The following ZNF670 variants were observed in gnomAD, a reference collection of about 807,000 sequenced individuals.
ZNF670 encodes zinc finger protein 670.
A neutral mutation model predicts 10.9 loss-of-function variants in ZNF670; 7 were observed. That is an observed-to-expected ratio of 0.64 (90% CI 0.36 to 1.20). ZNF670 has a LOEUF of 1.20. ZNF670 is among the 50% of genes most tolerant of loss of function. The probability of loss-of-function intolerance (pLI) is 0.02; values close to 1 mark genes in which losing one functional copy is unlikely to be tolerated. For missense variants in ZNF670, 446 were observed against 458.6 expected (o/e 0.97, Z 0.25); for synonymous variants, 136 against 152.7 (o/e 0.89, Z 0.81).
intron 1 of ZNF670, among the ~76,000 whole-genome samples, chr1:247,055,609 G>C (rs954585792): frequency 5.9e-5 from 9 of 152,136 alleles, no homozygotes; most frequent in South Asian, 4.1e-4. Flanking sequence ...CACAACTAGA[G>C]ACTGCTACAT....
intron 1 of ZNF670, among the ~76,000 whole-genome samples, chr1:247,068,319 CAAAA>C (rs74163724): frequency 3.6e-5 from 2 of 55,278 alleles, no homozygotes; most frequent in South Asian, 6.1e-4. Context: ...ATTCTGTCTC[CAAAA>C]AAAAAAAAAA....
intron 1 of ZNF670, among the ~76,000 whole-genome samples, chr1:247,061,419 C>T (rs1236517733): frequency 2.0e-5 from 3 of 151,442 alleles, no homozygotes; most frequent in African/African-American, 7.3e-5. Flanking sequence ...CTGACCTCCT[C>T]GGCCTCCCAA....
rs2103049242 is a variant in ZNF670 at position 247,036,260 on chromosome 1, T to C, written c.*1189A>G. 6.6e-6 allele frequency among the ~76,000 whole-genome samples: 1 copy of C among 152,300 alleles called. No individual in the cohort carries two copies. Among genetic ancestry groups the C allele is most frequent in the East Asian group, 1.9e-4 (1 of 5,194 alleles). On this transcript the variant is annotated 3_prime_UTR_variant, in exon 4 of 4. Coordinates refer to ENST00000366503, the MANE Select transcript of ZNF670 (RefSeq NM_033213.5). ...CTTCCTGAGCCTGTTTGAGAATATTTATGAAAAATCCACAATATACTTGAT... is the reference window on the plus strand; with the variant it reads ...CTTCCTGAGCCTGTTTGAGAATATTCATGAAAAATCCACAATATACTTGAT...
chr1:247,074,326 C>T (rs1312915037), intron 1 of ZNF670, among the ~76,000 whole-genome samples: 2 of 151,978 alleles, frequency 1.3e-5, no homozygotes, highest in Non-Finnish European at 1.5e-5. Flanking sequence ...CCTCTTTATG[C>T]CTCTCCTGTG....
intron 1 of ZNF670, among the ~76,000 whole-genome samples, chr1:247,046,310 CT>C (rs1670447153): frequency 6.6e-6 from 1 of 152,208 alleles, no homozygotes; most frequent in African/African-American, 2.4e-5. Flanking sequence ...GTGGCAGCCC[CT>C]CTCACCACAG....
intron 1 of ZNF670, among the ~76,000 whole-genome samples, chr1:247,053,555 G>A (rs1199790048): frequency 6.6e-6 from 1 of 152,170 alleles, no homozygotes; most frequent in Non-Finnish European, 1.5e-5. Context: ...AGAATGGCGT[G>A]AACCCGTGAG....
intron 1 of ZNF670, among the ~76,000 whole-genome samples, chr1:247,055,107 T>C (rs1402019110): frequency 1.3e-5 from 2 of 152,166 alleles, no homozygotes; most frequent in East Asian, 1.9e-4. Context: ...CCTTTGTCCT[T>C]TGTGCCTAAG....
chr1:247,062,854 A>C (rs1458640155), intron 1 of ZNF670, among the ~76,000 whole-genome samples: 1 of 148,556 alleles, frequency 6.7e-6, no homozygotes, highest in Non-Finnish European at 1.5e-5. Flanking sequence ...TGTCCTCCGG[A>C]AGAAGATGAC....
chr1:247,043,308 G>A, intron 1 of ZNF670: 1 of 612,014 alleles, frequency 1.6e-6, no homozygotes, highest in Non-Finnish European at 3.1e-6. Flanking sequence ...TGATAAATCA[G>A]TTAGAAAACT....
chr1:247,038,756 T>C (rs1445825042), intron 3 of ZNF670, 54 bp downstream of exon 3: 1 of 1,471,626 alleles, frequency 6.8e-7, no homozygotes, highest in Non-Finnish European at 9.4e-7. Context: ...TAAAAACTTA[T>C]GACATGCTAA....
In ZNF670 at chr1:247,035,122, G is replaced by C. The variant is rs1213719621; in HGVS notation, c.*2327C>G. 2.0e-5 allele frequency among the ~76,000 whole-genome samples: 3 copies of C among 152,082 alleles called. No homozygotes were observed. Among genetic ancestry groups the C allele is most frequent in the African/African-American group, 4.8e-5 (2 of 41,458 alleles). On this transcript the variant is annotated 3_prime_UTR_variant, in exon 4 of 4. Transcript: ENST00000366503. ...TTCTGTTATATTATGGAACCAGTTA[G>C]ACAAAAGCAGGTAGTTAAAGCTGAA...
chr1:247,043,418 T>C (rs1670365802), intron 1 of ZNF670: 5 of 575,170 alleles, frequency 8.7e-6, no homozygotes, highest in South Asian at 6.5e-5. Flanking sequence ...AAATTCACCC[T>C]TTTGTCAGAA....
intron 1 of ZNF670, among the ~76,000 whole-genome samples, chr1:247,044,909 A>G (rs1224815473): frequency 6.6e-6 from 1 of 152,192 alleles, no homozygotes; most frequent in Non-Finnish European, 1.5e-5. Context: ...AGAAACATGA[A>G]ATTTACTCAT....
chr1:247,035,606 G>C lies in ZNF670; in HGVS notation c.*1843C>G, dbSNP rs1345077071. 2.0e-5 allele frequency among the ~76,000 whole-genome samples: 3 copies of C among 152,106 alleles called. No homozygotes were observed. Among genetic ancestry groups the C allele is most frequent in the African/African-American group, 7.2e-5 (3 of 41,402 alleles). On this transcript the variant is annotated 3_prime_UTR_variant, in exon 4 of 4. Transcript: ENST00000366503. ...ATTACACATAATATAAACTAGTTAT[G>C]CATAATTCATAGTAACTTACAAAAC...
intron 1 of ZNF670, among the ~76,000 whole-genome samples, chr1:247,072,798 GTGTGTGTATATATATATATATATATA>G (rs1173821733): frequency 2.6e-4 from 5 of 19,056 alleles, no homozygotes; most frequent in South Asian, 2.0e-3. Flanking sequence ...AAAAAAAAAA[GTGTGTGTATATATATATATATATATA>G]TATATATATA....
rs546678524 is a variant in ZNF670 at position 247,035,730 on chromosome 1, G to A, written c.*1719C>T. Among the ~76,000 whole-genome samples, 6 of 152,124 alleles carry A rather than the reference G, an allele frequency of 3.9e-5. No individual in the cohort carries two copies. The East Asian group carries it at 9.6e-4, about 24-fold the overall frequency. On this transcript the variant is annotated 3_prime_UTR_variant, in exon 4 of 4. Coordinates refer to ENST00000366503, the MANE Select transcript of ZNF670 (RefSeq NM_033213.5). Reference sequence around the variant, plus strand: ...GATGCTATACTATATGGTATACTAGGGCACACCAATTTGACTATAAATGCA... The same window carrying A: ...GATGCTATACTATATGGTATACTAGAGCACACCAATTTGACTATAAATGCA...
chr1:247,069,588 A>G (rs1671069800), intron 1 of ZNF670, among the ~76,000 whole-genome samples: 1 of 151,198 alleles, frequency 6.6e-6, no homozygotes, highest in Non-Finnish European at 1.5e-5. Flanking sequence ...AAATTTGGAA[A>G]CAACCTAAGT....
intron 1 of ZNF670, among the ~76,000 whole-genome samples, chr1:247,067,176 C>T (rs1233482501): frequency 6.6e-6 from 1 of 152,108 alleles, no homozygotes; most frequent in African/African-American, 2.4e-5. Flanking sequence ...TGGCTCATGC[C>T]TGTAATCCTA....
At chr1:247,058,430 T>A (rs1670770712) in intron 1 of ZNF670, among the ~76,000 whole-genome samples, 1 of 152,032 alleles carries the variant, frequency 6.6e-6, no homozygotes, top group Non-Finnish European at 1.5e-5. Flanking sequence ...AAGAAAGATC[T>A]AAAACCAATA....
Sources: allele counts gnomAD v4.1 joint callset (sites outside exome capture counted in the v4.1 genomes callset), GRCh38; gene constraint gnomAD v4.1.1; transcripts MANE v1.5; gene names NCBI Gene and HGNC (gene_info 2026-07-23, HGNC 2026-07-21).